ARHGAP42: variants seen among roughly 807,000 people sequenced by gnomAD.
The protein encoded by ARHGAP42 is Rho GTPase activating protein 42.
In ARHGAP42, 63 loss-of-function variants were observed where a neutral mutation model predicts 125.0. That is an observed-to-expected ratio of 0.50 (90% CI 0.41 to 0.62). The LOEUF is 0.62. Ranked by LOEUF, ARHGAP42 falls within the 20% of genes least tolerant of loss-of-function variation. The pLI is 0.00. For missense variants in ARHGAP42, 766 were observed against 1,024.2 expected, an observed-to-expected ratio of 0.75 and a Z score of 3.44; for synonymous variants, 339 against 351.0, an observed-to-expected ratio of 0.97 and a Z score of 0.38.
intron 15 of ARHGAP42, among the ~76,000 whole-genome samples, chr11:100,962,143 G>T (rs1159910417): frequency 6.6e-6 from 1 of 151,598 alleles, no homozygotes; most frequent in Non-Finnish European, 1.5e-5. Context: ...TCTGATATTG[G>T]GAGACTCCCA....
chr11:100,858,086 G>GGGGTGTGTGTGT lies in ARHGAP42; in HGVS notation c.313-1467_313-1466insGGTGTGTGTGTG, dbSNP rs779137957. On this transcript the variant is annotated intron_variant, in intron 3 of 23. Transcript: ENST00000298815. ...GTCGCATCTGTACAATCTGGATAGGGGTGTGTGTGTGTGTGTGTGTGTGTG... is the reference window on the plus strand; with the variant it reads ...GTCGCATCTGTACAATCTGGATAGGGGGGTGTGTGTGTGTGTGTGTGTGTGTGTGTGTGTGTG... Among the ~76,000 whole-genome samples, 11 of 109,018 alleles carry GGGGTGTGTGTGT rather than the reference G, an allele frequency of 1.0e-4. No individual in the cohort carries two copies. The South Asian group carries it at 2.8e-3, about 28-fold the overall frequency. The allele number at this position is 109,018 out of a possible 152,430, so 71.5% of individuals were successfully genotyped here.
At chr11:100,950,119 C>T (rs1868136406) in intron 12 of ARHGAP42, among the ~76,000 whole-genome samples, 163 bp downstream of exon 12, 1 of 145,494 alleles carries the variant, frequency 6.9e-6, no homozygotes, top group African/African-American at 2.5e-5. Context: ...GTTAAAACCA[C>T]AAACTTCTGA....
At chr11:100,746,460 C>T (rs1261568139) in intron 1 of ARHGAP42, among the ~76,000 whole-genome samples, 2 of 152,248 alleles carry the variant, frequency 1.3e-5, no homozygotes, top group African/African-American at 4.8e-5. Context: ...CAATCTGGGC[C>T]TCCGGCCCAC....
At chr11:100,784,481 T>G (rs1303783329) in intron 2 of ARHGAP42, among the ~76,000 whole-genome samples, 1 of 151,854 alleles carries the variant, frequency 6.6e-6, no homozygotes, top group Non-Finnish European at 1.5e-5. Flanking sequence ...GTAAGAAGGG[T>G]AGAGGAGAGG....
In ARHGAP42 at chr11:100,687,671, C is replaced by A; in HGVS notation, c.-8C>A. 2 of 1,476,824 alleles carry A rather than the reference C, an allele frequency of 1.4e-6. No individual in the cohort carries two copies. Among genetic ancestry groups the A allele is most frequent in the Non-Finnish European group, 1.8e-6 (2 of 1,107,024 alleles). The allele number at this position is 1,476,824 out of a possible 1,614,324, so 91.5% of individuals were successfully genotyped here. On this transcript the variant is annotated 5_prime_UTR_variant, in exon 1 of 24. Coordinates refer to ENST00000298815, the MANE Select transcript of ARHGAP42 (RefSeq NM_152432.4). ...GTGTCCGCGGCCGCCGCTGGCAGCG[C>A]CTGTGCCATGGGGCTGCCCACTCTG... is the stretch of plus-strand genomic sequence containing the variant.
At chr11:100,706,913 C>T (rs1861489388) in intron 1 of ARHGAP42, among the ~76,000 whole-genome samples, 1 of 152,196 alleles carries the variant, frequency 6.6e-6, no homozygotes, top group African/African-American at 2.4e-5. Context: ...CATTCCCCAT[C>T]TTCCCTAGCC....
chr11:100,806,294 G>C (rs1863987142), intron 3 of ARHGAP42, among the ~76,000 whole-genome samples: 1 of 152,142 alleles, frequency 6.6e-6, no homozygotes, highest in African/African-American at 2.4e-5. Context: ...CTTGATGAAA[G>C]ATTTCCCTTT....
At chr11:100,774,615 G>T (rs1863070538) in intron 2 of ARHGAP42, among the ~76,000 whole-genome samples, 1 of 152,214 alleles carries the variant, frequency 6.6e-6, no homozygotes, top group Non-Finnish European at 1.5e-5. Flanking sequence ...TAAGTTGGTG[G>T]TGGGAATGGG....
chr11:100,966,302 C>T (rs1339071214), intron 17 of ARHGAP42, among the ~76,000 whole-genome samples: 1 of 151,972 alleles, frequency 6.6e-6, no homozygotes, highest in Non-Finnish European at 1.5e-5. Flanking sequence ...GAGCTATCTG[C>T]AGAAACAAAA....
At chr11:100,697,410 C>G (rs1020531788) in intron 1 of ARHGAP42, among the ~76,000 whole-genome samples, 3 of 152,112 alleles carry the variant, frequency 2.0e-5, no homozygotes, top group African/African-American at 7.2e-5. Flanking sequence ...TCTCCATCTC[C>G]TGACCTCGTG....
chr11:100,977,185 T>C (rs1858416181), intron 21 of ARHGAP42, among the ~76,000 whole-genome samples: 1 of 152,214 alleles, frequency 6.6e-6, no homozygotes, highest in Non-Finnish European at 1.5e-5. Flanking sequence ...AGGGCAGCAC[T>C]TCAAGCACTT....
intron 3 of ARHGAP42, among the ~76,000 whole-genome samples, chr11:100,810,933 A>T (rs974832433): frequency 6.6e-6 from 1 of 152,110 alleles, no homozygotes; most frequent in African/African-American, 2.4e-5. Context: ...AATAAAATGA[A>T]CATTTTATTT....
At position 100,720,385 on chromosome 11, in the gene ARHGAP42, A is replaced by G. The variant is rs549412846; in HGVS notation, c.154+32553A>G. ...TTGGAAAAAAATGGGAAAAGAATTCATACAAATGACTGCCCTGATGGTGGG... is the reference window on the plus strand; with the variant it reads ...TTGGAAAAAAATGGGAAAAGAATTCGTACAAATGACTGCCCTGATGGTGGG... On this transcript the variant is annotated intron_variant, in intron 1 of 23. Transcript: ENST00000298815. 4.9e-4 allele frequency among the ~76,000 whole-genome samples: 74 copies of G among 152,340 alleles called. 1 individual carries two copies. Among genetic ancestry groups the G allele is most frequent in the South Asian group, 2.3e-3 (11 of 4,832 alleles).
chr11:100,844,225 C>T (rs1865010091), intron 3 of ARHGAP42, among the ~76,000 whole-genome samples: 1 of 152,104 alleles, frequency 6.6e-6, no homozygotes, highest in Admixed American at 6.6e-5. Context: ...ACAAATGGTG[C>T]TGGGATAATT....
chr11:100,718,433 A>C (rs1349473449), intron 1 of ARHGAP42, among the ~76,000 whole-genome samples: 2 of 152,228 alleles, frequency 1.3e-5, no homozygotes, highest in Non-Finnish European at 2.9e-5. Context: ...TCTATTAAGA[A>C]TATTTCAGAC....
At chr11:100,890,710 G>T (rs575858608) in intron 4 of ARHGAP42, among the ~76,000 whole-genome samples, 1 of 152,318 alleles carries the variant, frequency 6.6e-6, no homozygotes, top group East Asian at 1.9e-4. Context: ...TGGTTAAAAT[G>T]CTGCTTGAAG....
At chr11:100,800,655 T>C (rs898307418) in intron 3 of ARHGAP42, among the ~76,000 whole-genome samples, 1 of 152,226 alleles carries the variant, frequency 6.6e-6, no homozygotes, top group African/African-American at 2.4e-5. Context: ...CATTTCTTCT[T>C]TTGGCCATGT....
chr11:100,760,959 G>C lies in ARHGAP42; in HGVS notation c.155-9384G>C, dbSNP rs576310199. Among the ~76,000 whole-genome samples the C allele has an allele frequency of 3.3e-5, 5 of 152,278 alleles. No homozygotes were observed. In the South Asian group the frequency reaches 1.0e-3, roughly 32 times the overall value. ...TCCCTTACTGTTGATAAGAGAGTAA[G>C]TTGTAAATGCTTGGCAAACAGTGGG... is the stretch of plus-strand genomic sequence containing the variant. On this transcript the variant is annotated intron_variant, in intron 1 of 23. Coordinates refer to ENST00000298815, the MANE Select transcript of ARHGAP42 (RefSeq NM_152432.4).
intron 2 of ARHGAP42, 56 bp from the exon 3 acceptor site, chr11:100,795,049 T>C: frequency 7.6e-7 from 1 of 1,313,376 alleles, no homozygotes; most frequent in East Asian, 2.5e-5. Flanking sequence ...TCTTGAGTAA[T>C]TAGATATTAG....
Sources: gnomAD v4.1 joint callset for allele counts (sites outside exome capture counted in the v4.1 genomes callset) on GRCh38, gnomAD v4.1.1 for gene constraint, MANE v1.5 for transcripts, NCBI Gene and HGNC (gene_info 2026-07-23, HGNC 2026-07-21) for gene names.